Variants in CPNE8 observed in about 807,000 individuals in gnomAD.
CPNE8 encodes copine 8, also known as copine-8.
In CPNE8, 45 loss-of-function variants were observed where a neutral mutation model predicts 81.5. The observed-to-expected ratio is 0.55, with a 90% confidence interval of 0.44 to 0.71. The LOEUF (loss-of-function observed/expected upper bound fraction) is 0.71, where lower values mean the gene tolerates loss of function less well. CPNE8 is among the 30% of genes least tolerant of loss of function. The probability of loss-of-function intolerance (pLI) is 0.00; values close to 1 mark genes in which losing one functional copy is unlikely to be tolerated. For synonymous variants in CPNE8, 252 were observed against 226.3 expected, an observed-to-expected ratio of 1.11 and a Z score of -1.02; for missense variants, 594 against 672.1, an observed-to-expected ratio of 0.88 and a Z score of 1.28.
Position 38,902,296 on chromosome 12 carries a change from A to G in CPNE8, c.98+3141T>C, listed in dbSNP as rs569278858. The stretch of plus-strand genomic sequence containing the variant: ...AAAGAAAAGAAAGAAGGAAGGAAGG[A>G]AAGGAAGGAAGGAAGGAAGGAAAGA... On this transcript the variant is annotated intron_variant, in intron 1 of 19. Coordinates refer to ENST00000331366, the MANE Select transcript of CPNE8 (RefSeq NM_153634.3). Among the ~76,000 whole-genome samples the G allele has an allele frequency of 1.4e-4, 8 of 56,164 alleles. No individual in the cohort carries two copies. The South Asian group carries it at 2.8e-3, about 19-fold the overall frequency. 36.8% of individuals were successfully genotyped at this position (56,164 alleles called of 152,430 possible).
At chr12:38,686,143 C>G (rs1939529953) in intron 15 of CPNE8, among the ~76,000 whole-genome samples, 1 of 151,986 alleles carries the variant, frequency 6.6e-6, no homozygotes, top group Non-Finnish European at 1.5e-5. Context: ...TTTTACCTGA[C>G]AGCAGAAAAA....
intron 4 of CPNE8, 108 bp from the exon 5 acceptor site, chr12:38,840,063 T>C: frequency 1.8e-6 from 2 of 1,109,810 alleles, no homozygotes; most frequent in Non-Finnish European, 2.5e-6. Context: ...TCCAAAATAA[T>C]ACCAATAGGA....
intron 16 of CPNE8, among the ~76,000 whole-genome samples, chr12:38,680,702 T>C (rs1939390402): frequency 6.6e-6 from 1 of 152,042 alleles, no homozygotes; most frequent in Non-Finnish European, 1.5e-5. Flanking sequence ...TAATCCATAT[T>C]ATAGCACTGA....
chr12:38,700,239 C>CTTTT (rs34234420), intron 14 of CPNE8, among the ~76,000 whole-genome samples: 3 of 131,196 alleles, frequency 2.3e-5, no homozygotes, highest in South Asian at 2.5e-4. Context: ...AAGTCCCCTT[C>CTTTT]TTTTTTTTTT....
chr12:38,693,682 C>T lies in CPNE8; in HGVS notation c.1118G>A (p.Gly373Glu). The T allele has an allele frequency of 6.2e-7, 1 of 1,610,498 alleles. No individual in the cohort carries two copies. The highest frequency in any genetic ancestry group is 8.5e-7 in the Non-Finnish European group (1 of 1,178,832). ...CAAAGCAAATTCGTGAGATATCCTT[C>T]CATCTGGAGGCAGTTTTGCACCAAA... Reference protein sequence around the residue: ...LGFGAKLPPDGRISHEFALNG... With the variant: ...LGFGAKLPPDERISHEFALNG... Residue 373 changes from glycine to glutamate, a missense_variant, in exon 15 of 20, where the codon GGA becomes GAA. Transcript: ENST00000331366.
intron 16 of CPNE8, among the ~76,000 whole-genome samples, chr12:38,678,418 T>C (rs1939338905): frequency 2.0e-5 from 3 of 151,960 alleles, no homozygotes; most frequent in African/African-American, 4.8e-5. Context: ...ATTTTTACGA[T>C]TTTTTGCAAT....
chr12:38,717,504 C>A (rs1430535601), intron 13 of CPNE8, among the ~76,000 whole-genome samples: 2 of 133,966 alleles, frequency 1.5e-5, no homozygotes, highest in South Asian at 2.4e-4. Context: ...AAAATAATGT[C>A]TTTTGCAGCA....
At chr12:38,891,156 C>T (rs7308580) in intron 1 of CPNE8, among the ~76,000 whole-genome samples, 6,623 of 151,956 alleles carry the variant, frequency 0.044, 170 homozygotes, top group East Asian at 0.12. Context: ...ATTTCAACCT[C>T]CCAACCTCAA....
intron 1 of CPNE8, among the ~76,000 whole-genome samples, chr12:38,880,040 A>T (rs1944129028): frequency 6.6e-6 from 1 of 152,218 alleles, no homozygotes; most frequent in Admixed American, 6.5e-5. Context: ...CCAACAAAAA[A>T]TATTTAATTT....
chr12:38,796,590 T>A (rs2136943588), intron 6 of CPNE8, among the ~76,000 whole-genome samples: 1 of 152,184 alleles, frequency 6.6e-6, no homozygotes, highest in South Asian at 2.1e-4. Context: ...TAGGAACAGC[T>A]CCGGTCTACA....
chr12:38,838,872 A>G (rs577291367), intron 5 of CPNE8, among the ~76,000 whole-genome samples: 1 of 151,974 alleles, frequency 6.6e-6, no homozygotes, highest in Non-Finnish European at 1.5e-5. Context: ...AGATTTTCCA[A>G]ATCTGTTTCC....
chr12:38,718,174 T>A (rs146579963), intron 13 of CPNE8, among the ~76,000 whole-genome samples: 1 of 152,280 alleles, frequency 6.6e-6, no homozygotes, highest in East Asian at 1.9e-4. Flanking sequence ...TTTTGCAGTG[T>A]CATCAGAGGG....
chr12:38,904,313 G>A (rs1183732623), intron 1 of CPNE8, among the ~76,000 whole-genome samples: 1 of 152,074 alleles, frequency 6.6e-6, no homozygotes, highest in Non-Finnish European at 1.5e-5. Context: ...CAAATTAGTG[G>A]CCAGTACCAA....
intron 10 of CPNE8, among the ~76,000 whole-genome samples, chr12:38,740,899 C>A (rs1453545208): frequency 6.6e-6 from 1 of 152,034 alleles, no homozygotes; most frequent in African/African-American, 2.4e-5. Context: ...GTGAAGCTGG[C>A]CTCATAAAAT....
In CPNE8 at chr12:38,724,749, T is replaced by A. The variant is rs985064560; in HGVS notation, c.852+97A>T. On this transcript the variant is annotated intron_variant, in intron 12 of 19. Transcript: ENST00000331366. ...AAACCCTGAGTGAAACACAGCTCAG[T>A]TTTTTTAATTGCTTCCAGTAGGATT... is the stretch of plus-strand genomic sequence containing the variant. The A allele has an allele frequency of 8.3e-6, 7 of 843,318 alleles. No homozygotes were observed. In the African/African-American group the frequency reaches 1.2e-4, roughly 15 times the overall value. The allele number at this position is 843,318 out of a possible 1,614,324, so 52.2% of individuals were successfully genotyped here.
intron 6 of CPNE8, among the ~76,000 whole-genome samples, chr12:38,798,359 A>C (rs1174612665): frequency 6.6e-6 from 1 of 152,202 alleles, no homozygotes; most frequent in Non-Finnish European, 1.5e-5. Context: ...TCTCCGCAGA[A>C]ACTCTACAAG....
intron 5 of CPNE8, among the ~76,000 whole-genome samples, chr12:38,832,048 G>A (rs1434045862): frequency 3.3e-5 from 5 of 152,154 alleles, no homozygotes. Flanking sequence ...CATCTTGGCT[G>A]AACAAAATCA....
intron 6 of CPNE8, among the ~76,000 whole-genome samples, chr12:38,785,792 TC>T (rs1371411772): frequency 2.0e-5 from 3 of 152,212 alleles, no homozygotes; most frequent in Non-Finnish European, 4.4e-5. Context: ...TTAAGAGTTG[TC>T]TTTTTGCTTA....
intron 5 of CPNE8, among the ~76,000 whole-genome samples, chr12:38,833,639 C>T (rs1288998364): frequency 2.6e-5 from 4 of 151,754 alleles, no homozygotes; most frequent in Admixed American, 2.6e-4. Context: ...TCACCACGCC[C>T]AGCTAATTTT....
Sources: gnomAD v4.1 joint callset for allele counts (sites outside exome capture counted in the v4.1 genomes callset) on GRCh38, gnomAD v4.1.1 for gene constraint, MANE v1.5 for transcripts, NCBI Gene and HGNC (gene_info 2026-07-23, HGNC 2026-07-21) for gene names.